MACROD2: variants seen among roughly 807,000 people sequenced by gnomAD.
MACROD2 encodes ADP-ribose glycohydrolase MACROD2.
MACROD2 carries 36 observed loss-of-function variants against 70.4 expected under a neutral mutation model. The ratio of observed to expected loss-of-function variants is 0.51; its 90% confidence interval spans 0.39 to 0.68. The LOEUF (loss-of-function observed/expected upper bound fraction) is 0.68, where lower values mean the gene tolerates loss of function less well. Among genes scored for constraint, MACROD2 ranks in the 30% least tolerant of loss-of-function variants. The pLI is 0.00. For synonymous variants in MACROD2, 172 were observed against 178.8 expected (o/e 0.96, Z 0.30); for missense variants, 496 against 538.4 (o/e 0.92, Z 0.78).
At chr20:15,721,609 T>TTTC (rs2050788523) in intron 8 of MACROD2, among the ~76,000 whole-genome samples, 1 of 152,198 alleles carries the variant, frequency 6.6e-6, no homozygotes, top group African/African-American at 2.4e-5. Context: ...CCTAAGTTAA[T>TTTC]GTAAATAATC....
chr20:15,316,274 T>G (rs953743014), intron 6 of MACROD2, among the ~76,000 whole-genome samples: 1 of 152,006 alleles, frequency 6.6e-6, no homozygotes, highest in Non-Finnish European at 1.5e-5. Context: ...GCAGAAATGG[T>G]CAGACAGATA....
chr20:15,544,128 G>C (rs1253418259), intron 8 of MACROD2, among the ~76,000 whole-genome samples: 2 of 152,164 alleles, frequency 1.3e-5, no homozygotes, highest in Non-Finnish European at 1.5e-5. Context: ...CTCAGCTTTA[G>C]AGTAACCGAT....
At chr20:15,080,306 A>G (rs2075693587) in intron 5 of MACROD2, among the ~76,000 whole-genome samples, 1 of 152,106 alleles carries the variant, frequency 6.6e-6, no homozygotes, top group Non-Finnish European at 1.5e-5. Flanking sequence ...CACACTTGTT[A>G]AAGTCAATGT....
chr20:15,236,224 G>A (rs1018461930), intron 6 of MACROD2, among the ~76,000 whole-genome samples: 1 of 152,198 alleles, frequency 6.6e-6, no homozygotes, highest in Non-Finnish European at 1.5e-5. Context: ...CGTTTCGTAA[G>A]ATCTCCTCAG....
chr20:15,595,959 ATATAT>A (rs1013937170), intron 8 of MACROD2, among the ~76,000 whole-genome samples: 7 of 152,190 alleles, frequency 4.6e-5, no homozygotes, highest in Non-Finnish European at 7.3e-5. Context: ...TACTATCTAC[ATATAT>A]TATGTTACTC....
intron 3 of MACROD2, among the ~76,000 whole-genome samples, chr20:14,479,922 G>A (rs2084643415): frequency 6.6e-6 from 1 of 151,956 alleles, no homozygotes; most frequent in African/African-American, 2.4e-5. Flanking sequence ...TATCACCCAG[G>A]ATGGAGTTCA....
At chr20:14,089,677 A>C (rs1190584138) in intron 3 of MACROD2, among the ~76,000 whole-genome samples, 1 of 152,202 alleles carries the variant, frequency 6.6e-6, no homozygotes, top group African/African-American at 2.4e-5. Flanking sequence ...ATTATAGTAC[A>C]CAGGGCAGTA....
chr20:15,550,870 G>A (rs1291462676), intron 8 of MACROD2, among the ~76,000 whole-genome samples: 1 of 152,162 alleles, frequency 6.6e-6, no homozygotes, highest in African/African-American at 2.4e-5. Flanking sequence ...GAGCTCCATA[G>A]CTATTAAATA....
intron 5 of MACROD2, among the ~76,000 whole-genome samples, chr20:14,740,653 A>G (rs1375968960): frequency 6.6e-6 from 1 of 152,210 alleles, no homozygotes; most frequent in Non-Finnish European, 1.5e-5. Context: ...AAAGCTGCTT[A>G]TCTTTCATTT....
intron 6 of MACROD2, among the ~76,000 whole-genome samples, chr20:15,243,883 G>A (rs175315): frequency 0.28 from 42,312 of 151,596 alleles, 6,125 homozygotes; most frequent in African/African-American, 0.34. Flanking sequence ...CCAAGATTAC[G>A]CCACTGCACT....
At chr20:15,921,184 C>T (rs1341202178) in intron 10 of MACROD2, among the ~76,000 whole-genome samples, 2 of 152,178 alleles carry the variant, frequency 1.3e-5, no homozygotes, top group East Asian at 1.9e-4. Context: ...AATGTGACCA[C>T]GGTCTTCACC....
chr20:15,922,898 G>T (rs1019068385), intron 10 of MACROD2, among the ~76,000 whole-genome samples: 1 of 152,160 alleles, frequency 6.6e-6, no homozygotes, highest in African/African-American at 2.4e-5. Flanking sequence ...TTAAGATAAG[G>T]TGATTACATT....
rs1161786433 is a variant in MACROD2, at chr20:14,972,894, AACTT to A, written c.419-257044_419-257041del. On this transcript the variant is annotated intron_variant, in intron 5 of 17. Coordinates refer to ENST00000684519, the MANE Select transcript of MACROD2 (RefSeq NM_001351661.2). ...CTTTGCTAAGTGGCGTGTCATCTAAAACTTAAACAGCCAGAAACTCGCTGTTATC... is the reference window on the plus strand; with the variant it reads ...CTTTGCTAAGTGGCGTGTCATCTAAAAAACAGCCAGAAACTCGCTGTTATC... Among the ~76,000 whole-genome samples, 3 of 152,186 alleles carry A rather than the reference AACTT, an allele frequency of 2.0e-5. No homozygotes were observed. The East Asian group carries it at 5.8e-4, about 29-fold the overall frequency.
intron 6 of MACROD2, among the ~76,000 whole-genome samples, chr20:15,416,251 A>G (rs2146331985): frequency 6.6e-6 from 1 of 152,340 alleles, no homozygotes; most frequent in East Asian, 1.9e-4. Context: ...AACTTGGGAA[A>G]TATGACTACA....
chr20:14,531,884 GTT>G (rs893848263), intron 4 of MACROD2, among the ~76,000 whole-genome samples: 94 of 152,098 alleles, frequency 6.2e-4, no homozygotes, highest in Non-Finnish European at 1.2e-3. Flanking sequence ...CTGGTGGAAA[GTT>G]TTTTCTCCCC....
intron 4 of MACROD2, among the ~76,000 whole-genome samples, chr20:14,570,026 A>G (rs905917986): frequency 6.6e-6 from 1 of 152,072 alleles, no homozygotes; most frequent in Non-Finnish European, 1.5e-5. Context: ...TTCTAAGTCT[A>G]TAACCAACAG....
chr20:15,021,478 A>G (rs1471524890), intron 5 of MACROD2: 1 of 150,626 alleles, frequency 6.6e-6, no homozygotes, highest in East Asian at 2.0e-4. Context: ...AGGAGACTAT[A>G]TATATGCACA....
chr20:14,695,875 A>G (rs1471847988), intron 5 of MACROD2, among the ~76,000 whole-genome samples: 1 of 152,230 alleles, frequency 6.6e-6, no homozygotes, highest in African/African-American at 2.4e-5. Flanking sequence ...GTGAGATAAT[A>G]CATATATGTT....
At chr20:15,897,423 T>C (rs2064989810) in intron 10 of MACROD2, among the ~76,000 whole-genome samples, 2 of 152,170 alleles carry the variant, frequency 1.3e-5, no homozygotes, top group African/African-American at 4.8e-5. Context: ...GCTGTACTTC[T>C]TGGATCTCGG....
Sources: allele counts gnomAD v4.1 joint callset (sites outside exome capture counted in the v4.1 genomes callset), GRCh38; gene constraint gnomAD v4.1.1; transcripts MANE v1.5; gene names NCBI Gene and HGNC (gene_info 2026-07-23, HGNC 2026-07-21).